Variants in NAV3 observed in about 807,000 individuals in gnomAD.
The protein encoded by NAV3 is neuron navigator 3, also known as pore membrane and/or filament interacting like protein 1.
In NAV3, 87 loss-of-function variants were observed where a neutral mutation model predicts 244.7. The ratio of observed to expected loss-of-function variants is 0.36; its 90% confidence interval spans 0.30 to 0.42. NAV3 has a LOEUF of 0.42. NAV3 is among the 20% of genes least tolerant of loss of function. NAV3 has a pLI of 1.00. For missense variants in NAV3, 2,663 were observed against 2,893.3 expected (o/e 0.92, Z 1.83); for synonymous variants, 1,126 against 1,042.2 (o/e 1.08, Z -1.55).
At chr12:77,662,192 A>C (rs1432374503) in intron 2 of NAV3, among the ~76,000 whole-genome samples, 1 of 151,470 alleles carries the variant, frequency 6.6e-6, no homozygotes, top group Non-Finnish European at 1.5e-5. Flanking sequence ...TGAAAATGGC[A>C]TATCTCACCT....
intron 2 of NAV3, chr12:77,783,609 G>A (rs189919749): frequency 2.6e-5 from 4 of 152,376 alleles, no homozygotes; most frequent in African/African-American, 9.6e-5. Flanking sequence ...TCCAAATGGG[G>A]AAATGGGGCA....
chr12:77,738,842 C>G (rs1868274152), intron 2 of NAV3, among the ~76,000 whole-genome samples: 1 of 151,852 alleles, frequency 6.6e-6, no homozygotes, highest in Non-Finnish European at 1.5e-5. Flanking sequence ...AACCCCGTCT[C>G]TACTAAAAAA....
chr12:77,803,060 C>G (rs576232714), intron 2 of NAV3, among the ~76,000 whole-genome samples: 24 of 152,154 alleles, frequency 1.6e-4, no homozygotes, highest in Non-Finnish European at 2.9e-4. Flanking sequence ...AATAAAAACA[C>G]AACACACAGC....
At chr12:77,679,844 A>T (rs954754485) in intron 2 of NAV3, among the ~76,000 whole-genome samples, 6 of 152,162 alleles carry the variant, frequency 3.9e-5, no homozygotes, top group Non-Finnish European at 7.3e-5. Flanking sequence ...GTATGCCCAT[A>T]ATCTTGGATG....
In NAV3 at chr12:78,124,426, G is replaced by T. The variant is rs1955814092; in HGVS notation, c.4238+1998G>T. ...TGTACATGTTCAGTCTTTGAAATAG[G>T]CCAATTTTATTTATGTTATGTTATG... On this transcript the variant is annotated intron_variant, in intron 16 of 39. Coordinates refer to ENST00000397909, the MANE Select transcript of NAV3 (RefSeq NM_001024383.2). Among the ~76,000 whole-genome samples, 3 of 127,142 alleles carry T rather than the reference G, an allele frequency of 2.4e-5. No individual in the cohort carries two copies. In the Admixed American group the frequency reaches 2.6e-4, roughly 11 times the overall value. 83.4% of individuals were successfully genotyped at this position (127,142 alleles called of 152,430 possible).
At chr12:77,968,189 A>G (rs1892680721) in intron 4 of NAV3, among the ~76,000 whole-genome samples, 1 of 152,238 alleles carries the variant, frequency 6.6e-6, no homozygotes, top group Non-Finnish European at 1.5e-5. Context: ...ATGCTAAATC[A>G]AATGGTTAGC....
chr12:77,792,986 C>T (rs891765959), intron 2 of NAV3, among the ~76,000 whole-genome samples: 1 of 152,104 alleles, frequency 6.6e-6, no homozygotes, highest in African/African-American at 2.4e-5. Context: ...GCGGGATATT[C>T]TGAGAGGCTT....
rs117995397 is a variant in NAV3 at position 77,857,308 on chromosome 12, A to G, written c.243+25604A>G. On this transcript the variant is annotated intron_variant, in intron 1 of 39. Coordinates refer to ENST00000397909, the MANE Select transcript of NAV3 (RefSeq NM_001024383.2). ...CTTTTCAGTGCCTGGAATAGCATGCATCTTTAATAAATGATAGCTATCATA... is the reference window on the plus strand; with the variant it reads ...CTTTTCAGTGCCTGGAATAGCATGCGTCTTTAATAAATGATAGCTATCATA... Among the ~76,000 whole-genome samples the G allele has an allele frequency of 2.5e-3, 385 of 152,202 alleles. 2 individuals carry two copies. The highest frequency in any genetic ancestry group is 0.011 in the South Asian group (55 of 4,826).
intron 20 of NAV3, among the ~76,000 whole-genome samples, chr12:78,144,823 CA>C (rs1289840205): frequency 1.5e-5 from 2 of 135,616 alleles, no homozygotes; most frequent in African/African-American, 5.6e-5. Flanking sequence ...GATAAACTGG[CA>C]AAAAATGTAA....
At chr12:78,037,103 T>C (rs1243098971) in intron 9 of NAV3, 1 of 702,998 alleles carries the variant, frequency 1.4e-6, no homozygotes, top group East Asian at 2.7e-5. Context: ...AGTCCCTGTA[T>C]CACACCAGCA....
intron 2 of NAV3, among the ~76,000 whole-genome samples, chr12:77,775,587 C>T (rs962613178): frequency 6.6e-6 from 1 of 152,086 alleles, no homozygotes; most frequent in Non-Finnish European, 1.5e-5. Context: ...TAGCCTGTTA[C>T]TTTATCTTGT....
chr12:78,206,840 T>C (rs1960364242), intron 39 of NAV3, among the ~76,000 whole-genome samples: 1 of 136,634 alleles, frequency 7.3e-6, no homozygotes, highest in African/African-American at 2.7e-5. Flanking sequence ...TCTATCTTTT[T>C]TCTTTCTTTC....
At chr12:77,942,938 A>G (rs944449845) in intron 3 of NAV3, among the ~76,000 whole-genome samples, 1 of 152,136 alleles carries the variant, frequency 6.6e-6, no homozygotes, top group African/African-American at 2.4e-5. Context: ...TGCTTTCATT[A>G]TTTTTACCAT....
At chr12:78,194,922 A>G (rs745995483) in intron 34 of NAV3, among the ~76,000 whole-genome samples, 3 of 152,082 alleles carry the variant, frequency 2.0e-5, no homozygotes, top group Non-Finnish European at 4.4e-5. Context: ...AGACGCTACA[A>G]TCAATCTTTA....
chr12:77,824,413 C>T (rs531330932), intron 2 of NAV3, among the ~76,000 whole-genome samples: 1 of 151,798 alleles, frequency 6.6e-6, no homozygotes, highest in Non-Finnish European at 1.5e-5. Flanking sequence ...TTTTTAAAGC[C>T]TTGAAAAATT....
chr12:77,697,478 A>G (rs1282280487), intron 2 of NAV3, among the ~76,000 whole-genome samples: 1 of 152,222 alleles, frequency 6.6e-6, no homozygotes, highest in South Asian at 2.1e-4. Flanking sequence ...AATCTATAAA[A>G]TGAGTATGTT....
chr12:78,005,603 A>T (rs1056267206), intron 7 of NAV3, among the ~76,000 whole-genome samples: 4 of 152,202 alleles, frequency 2.6e-5, no homozygotes, highest in Non-Finnish European at 5.9e-5. Flanking sequence ...TTTGAGAATG[A>T]CTGTGGTAAA....
chr12:78,117,213 TTA>T (rs1186317714), intron 13 of NAV3, among the ~76,000 whole-genome samples: 4 of 50,090 alleles, frequency 8.0e-5, no homozygotes, highest in Non-Finnish European at 1.8e-4. Context: ...CATTACATAT[TTA>T]TATATATGTA....
chr12:77,941,308 G>C (rs535855503), intron 3 of NAV3, among the ~76,000 whole-genome samples, 175 bp downstream of exon 3: 1 of 152,066 alleles, frequency 6.6e-6, no homozygotes, highest in Non-Finnish European at 1.5e-5. Context: ...ACATCATTAA[G>C]TGACTCCTAT....
Sources: allele counts gnomAD v4.1 joint callset (sites outside exome capture counted in the v4.1 genomes callset), GRCh38; gene constraint gnomAD v4.1.1; transcripts MANE v1.5; gene names NCBI Gene and HGNC (gene_info 2026-07-23, HGNC 2026-07-21).